The following GOPC variants were observed in gnomAD, a reference collection of about 807,000 sequenced individuals.
The protein encoded by GOPC is golgi associated PDZ and coiled-coil motif containing.
A neutral mutation model predicts 51.2 loss-of-function variants in GOPC; 32 were observed. The observed-to-expected ratio is 0.63, with a 90% confidence interval of 0.47 to 0.84. The LOEUF (loss-of-function observed/expected upper bound fraction) is 0.84, where lower values mean the gene tolerates loss of function less well. Ranked by LOEUF, GOPC falls within the 40% of genes least tolerant of loss-of-function variation. GOPC has a pLI of 0.00. For synonymous variants in GOPC, 190 were observed against 205.1 expected, an observed-to-expected ratio of 0.93 and a Z score of 0.63; for missense variants, 441 against 555.5, an observed-to-expected ratio of 0.79 and a Z score of 2.07.
Position 117,602,119 on chromosome 6 carries a change from G to A in GOPC, c.170C>T (p.Pro57Leu). 6.2e-7 allele frequency: 1 copy of A among 1,614,064 alleles called. No homozygotes were observed. Among genetic ancestry groups the A allele is most frequent in the Non-Finnish European group, 8.5e-7 (1 of 1,180,000 alleles). Reference protein sequence around the residue: ...DVDLLLGEIDPDQADITYEGR... With the variant: ...DVDLLLGEIDLDQADITYEGR... ...CTCATAAGTGATGTCCGCTTGGTCT[G>A]GATCGATCTCTCCCAGGAGCAGATC... The change falls in exon 1 of 9, where the codon CCA (proline) becomes CTA (leucine). Residue 57 changes from proline to leucine, a missense_variant. Around this residue, in one of 3 missense-constraint regions of GOPC, gnomAD observed 204 missense variants for 219.8 expected, o/e 0.93. Transcript: ENST00000368498.
chr6:117,567,081 A>G (rs760035641), intron 7 of GOPC, 47 bp from the exon 8 acceptor site: 10 of 1,417,572 alleles, frequency 7.1e-6, no homozygotes, highest in Non-Finnish European at 9.5e-6. Flanking sequence ...TGTAATTGTA[A>G]TTTAAAAAGG....
At position 117,602,331 on chromosome 6, in the gene GOPC, GC is replaced by G. The variant is rs1562151639; in HGVS notation, c.-44del. The stretch of plus-strand genomic sequence containing the variant: ...CTCCCGACTGCTGAAGACCCTCGCC[GC>G]CCCCCGCGCACGAAGGGAACTGCTG... On this transcript the variant is annotated 5_prime_UTR_variant, in exon 1 of 9. Coordinates refer to ENST00000368498, the MANE Select transcript of GOPC (RefSeq NM_020399.4). 6.0e-6 allele frequency: 9 copies of G among 1,510,158 alleles called. No individual in the cohort carries two copies. In the Admixed American group the frequency reaches 8.8e-5, roughly 15 times the overall value. 93.5% of individuals were successfully genotyped at this position (1,510,158 alleles called of 1,614,324 possible). A position where few individuals can be genotyped will look rare whatever the true frequency, so the allele number is the denominator to read the frequency against.
At chr6:117,569,495 C>T (rs549018581) in intron 7 of GOPC, 77 bp downstream of exon 7, 33 of 1,529,814 alleles carry the variant, frequency 2.2e-5, no homozygotes, top group South Asian at 2.1e-4. Context: ...TTAGAAACTT[C>T]GTAGGGAAGT....
chr6:117,577,046 A>C (rs1779893636), intron 3 of GOPC, among the ~76,000 whole-genome samples: 1 of 152,038 alleles, frequency 6.6e-6, no homozygotes. Flanking sequence ...GATGAAGAAG[A>C]AACCAACATG....
At chr6:117,588,464 T>C (rs955180786) in intron 1 of GOPC, among the ~76,000 whole-genome samples, 2 of 151,896 alleles carry the variant, frequency 1.3e-5, no homozygotes, top group Non-Finnish European at 2.9e-5. Context: ...TTAGTAGAGA[T>C]GGGGTTTCAC....
chr6:117,563,328 T>G lies in GOPC; in HGVS notation c.1315A>C (p.Ser439Arg). Residue 439 changes from serine (S) to arginine (R), a missense_variant, in exon 9 of 9, where the codon AGT (serine) becomes CGT (arginine). This residue lies in a region of GOPC where 71 missense variants were observed against 68.8 expected (regional missense o/e 1.03). Transcript: ENST00000368498. ...THENGDLGTA[S>R]ETPLDDGASK... ...GCACCGTCATCTAGCGGAGTTTCAC[T>G]TGCAGTGCCCAGGTCTCCATTTTCA... The G allele has an allele frequency of 6.2e-7, 1 of 1,613,244 alleles. No homozygotes were observed. Among genetic ancestry groups the G allele is most frequent in the Non-Finnish European group, 8.5e-7 (1 of 1,179,246 alleles).
rs1779795538 is a variant in GOPC at position 117,570,895 on chromosome 6, T to C, written c.877A>G (p.Lys293Glu). 1.3e-6 allele frequency: 2 copies of C among 1,598,070 alleles called. No homozygotes were observed. Among genetic ancestry groups the C allele is most frequent in the Non-Finnish European group, 1.7e-6 (2 of 1,169,020 alleles). Residue 293 changes from lysine to glutamate, a missense_variant, in exon 6 of 9, where the codon AAG becomes GAG. This residue lies in a region of GOPC where 166 missense variants were observed against 267.0 expected (regional missense o/e 0.62). Coordinates refer to ENST00000368498, the MANE Select transcript of GOPC (RefSeq NM_020399.4). ...VGPIRKVLLL[K>E]EDHEGLGISI... The stretch of plus-strand genomic sequence containing the variant: ...ATGCCAAGGCCTTCATGATCTTCCT[T>C]AAGGAGGAGAACTTTTCTAATTGGA...
At chr6:117,577,411 G>C in intron 3 of GOPC, 37 bp downstream of exon 3, 2 of 1,576,328 alleles carry the variant, frequency 1.3e-6, no homozygotes, top group Non-Finnish European at 1.7e-6. Context: ...ACACTTCAGC[G>C]TGACATATTA....
At chr6:117,577,506 A>G (rs1266245936) in intron 2 of GOPC, 35 bp from the exon 3 acceptor site, 2 of 1,535,254 alleles carry the variant, frequency 1.3e-6, no homozygotes, top group Non-Finnish European at 1.8e-6. Flanking sequence ...ATAATTAGAA[A>G]AAGATCAAAC....
intron 3 of GOPC, chr6:117,575,615 T>TATTA: frequency 1.6e-6 from 1 of 619,832 alleles, no homozygotes; most frequent in Non-Finnish European, 3.0e-6. Context: ...TGTTATCACA[T>TATTA]ATTAGTAAAA....
intron 5 of GOPC, 100 bp downstream of exon 5, chr6:117,573,367 G>A (rs1779834253): frequency 1.5e-6 from 2 of 1,307,122 alleles, no homozygotes; most frequent in African/African-American, 3.0e-5. Flanking sequence ...TTTAAATAAA[G>A]GTTTCAAACA....
At position 117,570,951 on chromosome 6, in the gene GOPC, T is replaced by C; in HGVS notation, c.821A>G (p.Gln274Arg). 6.4e-7 allele frequency: 1 copy of C among 1,558,388 alleles called. No homozygotes were observed. The highest frequency in any genetic ancestry group is 8.8e-7 in the Non-Finnish European group (1 of 1,134,558). Reference sequence around the variant, plus strand: ...ACCTTGGCTTTTCTTTAGGGAATCTTGATCCTTATTGGGAGGAAAAAAGAA... The same window carrying C: ...ACCTTGGCTTTTCTTTAGGGAATCTCGATCCTTATTGGGAGGAAAAAAGAA... ...RPMQAPPGHDQDSLKKSQGVG... is the reference protein window; with the variant it reads ...RPMQAPPGHDRDSLKKSQGVG... The change falls in exon 6 of 9, where the codon CAA (glutamine) becomes CGA (arginine). Residue 274 changes from glutamine (Q) to arginine (R), a missense_variant. This residue lies in a region of GOPC where 166 missense variants were observed against 267.0 expected (regional missense o/e 0.62). Coordinates refer to ENST00000368498, the MANE Select transcript of GOPC (RefSeq NM_020399.4).
intron 5 of GOPC, 86 bp downstream of exon 5, chr6:117,573,381 C>T: frequency 7.0e-7 from 1 of 1,424,222 alleles, no homozygotes; most frequent in Non-Finnish European, 9.5e-7. Context: ...TCAAACAATA[C>T]TAGAATAAAG....
At position 117,563,281 on chromosome 6, in the gene GOPC, G is replaced by A. The variant is rs1779623775; in HGVS notation, c.1362C>T (p.His454=). The A allele has an allele frequency of 2.5e-6, 4 of 1,612,930 alleles. No individual in the cohort carries two copies. The highest frequency in any genetic ancestry group is 4.5e-5 in the East Asian group (2 of 44,868). Residue 454 remains histidine, a synonymous_variant, in exon 9 of 9, where the codon CAC becomes CAT. Transcript: ENST00000368498. Reference sequence around the variant, plus strand: ...AATAAGATTTTTTATGATACAGAGTGTGCAGATCATCTAATTTTGAAGCAC... The same window carrying A: ...AATAAGATTTTTTATGATACAGAGTATGCAGATCATCTAATTTTGAAGCAC... The part of the protein sequence containing the change: ...DDGASKLDDL[H]TLYHKKSY
At chr6:117,591,128 A>G (rs950581386) in intron 1 of GOPC, among the ~76,000 whole-genome samples, 2 of 152,208 alleles carry the variant, frequency 1.3e-5, no homozygotes, top group Non-Finnish European at 2.9e-5. Context: ...CTGGGATTAC[A>G]GGCGTGAACC....
chr6:117,602,352 C>T lies in GOPC; in HGVS notation c.-64G>A. ...CGCCGCCCCCCGCGCACGAAGGGAACTGCTGGGACTGAGGGGACCCCCGCG... is the reference window on the plus strand; with the variant it reads ...CGCCGCCCCCCGCGCACGAAGGGAATTGCTGGGACTGAGGGGACCCCCGCG... On this transcript the variant is annotated 5_prime_UTR_variant, in exon 1 of 9. Transcript: ENST00000368498. 6.8e-7 allele frequency: 1 copy of T among 1,463,394 alleles called. No individual in the cohort carries two copies. 90.7% of individuals were successfully genotyped at this position (1,463,394 alleles called of 1,614,324 possible). A position where few individuals can be genotyped will look rare whatever the true frequency, so the allele number is the denominator to read the frequency against.
intron 1 of GOPC, among the ~76,000 whole-genome samples, chr6:117,582,312 T>TCACACA (rs1562143803): frequency 8.7e-5 from 8 of 92,214 alleles, no homozygotes; most frequent in African/African-American, 3.7e-4. Context: ...ACACACACAT[T>TCACACA]GATAGAGGCA....
In GOPC at chr6:117,596,378, A is replaced by G. The variant is rs182505862; in HGVS notation, c.285+5626T>C. Among the ~76,000 whole-genome samples the G allele has an allele frequency of 1.3e-3, 202 of 152,284 alleles. 1 individual carries two copies. Among genetic ancestry groups the G allele is most frequent in the African/African-American group, 4.7e-3 (194 of 41,568 alleles). ...ACTCTGATTATTTCTTTTGCTGTGC[A>G]CAAAGTTTTTAGTTTAATTAAGTCC... On this transcript the variant is annotated intron_variant, in intron 1 of 8. Coordinates refer to ENST00000368498, the MANE Select transcript of GOPC (RefSeq NM_020399.4).
chr6:117,598,922 GAAT>G (rs1435210194), intron 1 of GOPC, among the ~76,000 whole-genome samples: 1 of 152,142 alleles, frequency 6.6e-6, no homozygotes, highest in Non-Finnish European at 1.5e-5. Flanking sequence ...TTTCTAACAT[GAAT>G]AATGTTTGAG....
Sources: allele counts gnomAD v4.1 joint callset (sites outside exome capture counted in the v4.1 genomes callset), GRCh38; gene constraint gnomAD v4.1.1; regional missense constraint gnomAD v4.1.1; transcripts MANE v1.5; gene names NCBI Gene and HGNC (gene_info 2026-07-23, HGNC 2026-07-21).